Variants in SASH3 observed in about 807,000 individuals in gnomAD.
SASH3 encodes the protein SAM and SH3 domain-containing protein 3.
A neutral mutation model predicts 26.1 loss-of-function variants in SASH3; 7 were observed. The observed-to-expected ratio is 0.27, with a 90% CI of 0.15 to 0.50. SASH3 has a LOEUF of 0.50. SASH3 is among the 20% of genes least tolerant of loss of function. The pLI is 0.98. For synonymous variants in SASH3, 138 were observed against 136.8 expected, an observed-to-expected ratio of 1.01 and a Z score of -0.06; for missense variants, 231 against 318.3, an observed-to-expected ratio of 0.73 and a Z score of 2.09.
chrX:129,785,676 C>T (rs1028889642), intron 1 of SASH3, among the ~76,000 whole-genome samples: 3 of 112,342 alleles, frequency 2.7e-5, no homozygotes, highest in African/African-American at 9.7e-5. Context: ...CCAACAAAGC[C>T]GACTTCCGGC....
At chrX:129,786,061 G>C (rs1172739511) in intron 1 of SASH3, among the ~76,000 whole-genome samples, 7 of 111,549 alleles carry the variant, frequency 6.3e-5, no homozygotes, top group Non-Finnish European at 1.1e-4. Context: ...AGGTGAACCA[G>C]AGTGGTCACC....
intron 3 of SASH3, among the ~76,000 whole-genome samples, chrX:129,789,109 A>AAGAAAG (rs1556001552): frequency 5.1e-5 from 2 of 39,468 alleles, no homozygotes; most frequent in African/African-American, 2.8e-4. Context: ...CTCAAAAAAA[A>AAGAAAG]AAAGAAAGAA....
In SASH3 at chrX:129,791,066, C is replaced by T. The variant is rs771879917; in HGVS notation, c.427C>T (p.Arg143Cys). 3.5e-5 allele frequency: 42 copies of T among 1,209,026 alleles called. No individual in the cohort carries two copies. Among genetic ancestry groups the T allele is most frequent in the African/African-American group, 5.2e-5 (3 of 57,144 alleles). ...GGAGCATGAACTTCCGGTGCTCAGC[C>T]GCCAGGCATCAACAGGTGAGTAGGG... ...QEEHELPVLS[R>C]QASTGSELCS... Residue 143 changes from arginine (R) to cysteine (C), a missense_variant, in exon 4 of 8, where the codon CGC becomes TGC. Coordinates refer to ENST00000356892, the MANE Select transcript of SASH3 (RefSeq NM_018990.4).
chrX:129,788,137 G>GGC, intron 2 of SASH3, 67 bp downstream of exon 2: 1 of 354,275 alleles, frequency 2.8e-6, no homozygotes, highest in East Asian at 6.3e-5. Context: ...GGGTGGGAGG[G>GGC]AAGAGGGTGA....
chrX:129,781,653 C>T (rs1655634525), intron 1 of SASH3, among the ~76,000 whole-genome samples: 2 of 112,627 alleles, frequency 1.8e-5, no homozygotes, highest in African/African-American at 3.2e-5. Flanking sequence ...GGAAGACGTA[C>T]CTAGGGGCAC....
intron 1 of SASH3, among the ~76,000 whole-genome samples, chrX:129,781,126 G>C (rs1927008751): frequency 8.9e-6 from 1 of 112,483 alleles, no homozygotes; most frequent in Non-Finnish European, 1.9e-5. Flanking sequence ...CAGTCCCAAA[G>C]CAGGCCTGAA....
At chrX:129,788,613 G>A in intron 3 of SASH3, 36 bp downstream of exon 3, 1 of 1,185,119 alleles carries the variant, frequency 8.4e-7, no homozygotes, top group Non-Finnish European at 1.1e-6. Flanking sequence ...GGGTGTCCAG[G>A]GGGCCTGGGG....
rs1479996252 is a variant in SASH3 at position 129,791,063 on chromosome X, A to C, written c.424A>C (p.Ser142Arg). Reference protein sequence around the residue: ...EQEEHELPVLSRQASTGSELC... With the variant: ...EQEEHELPVLRRQASTGSELC... ...AGAGGAGCATGAACTTCCGGTGCTC[A>C]GCCGCCAGGCATCAACAGGTGAGTA... is the stretch of plus-strand genomic sequence containing the variant. The change falls in exon 4 of 8, where the codon AGC becomes CGC. Residue 142 changes from serine (S) to arginine (R), a missense_variant. Coordinates refer to ENST00000356892, the MANE Select transcript of SASH3 (RefSeq NM_018990.4). 1.7e-6 allele frequency: 2 copies of C among 1,210,996 alleles called. No individual in the cohort carries two copies. The highest frequency in any genetic ancestry group is 2.2e-6 in the Non-Finnish European group (2 of 895,124).
At chrX:129,793,356 C>T (rs966935828) in intron 7 of SASH3, among the ~76,000 whole-genome samples, 1 of 112,401 alleles carries the variant, frequency 8.9e-6, no homozygotes, top group African/African-American at 3.2e-5. Context: ...TCAAAGGGGA[C>T]CCTTAAGGCC....
chrX:129,788,413 C>A lies in SASH3; in HGVS notation c.154-18C>A. 1 of 1,210,877 alleles carries A rather than the reference C, an allele frequency of 8.3e-7. No individual in the cohort carries two copies. The highest frequency in any genetic ancestry group is 1.1e-6 in the Non-Finnish European group (1 of 894,885). On this transcript the variant is annotated intron_variant, in intron 2 of 7. Coordinates refer to ENST00000356892, the MANE Select transcript of SASH3 (RefSeq NM_018990.4). ...CAGGACCACCAGGGTCCCTGGATCGCCTCTTTTGTTGTCACAGATTCCAGA... is the reference window on the plus strand; with the variant it reads ...CAGGACCACCAGGGTCCCTGGATCGACTCTTTTGTTGTCACAGATTCCAGA...
intron 1 of SASH3, among the ~76,000 whole-genome samples, chrX:129,784,099 C>A (rs745828666): frequency 9.0e-6 from 1 of 110,856 alleles, no homozygotes; most frequent in Non-Finnish European, 1.9e-5. Context: ...TACACCCCCC[C>A]CTTCCCCCAG....
Position 129,788,478 on chromosome X carries a change from G to T in SASH3, c.201G>T (p.Lys67Asn). The T allele has an allele frequency of 8.3e-7, 1 of 1,211,640 alleles. No homozygotes were observed. Among genetic ancestry groups the T allele is most frequent in the Non-Finnish European group, 1.1e-6 (1 of 895,191 alleles). ...SGVPTPEDAG[K>N]SGKKLGKKWR... Reference sequence around the variant, plus strand: ...TCCCCACCCCAGAAGATGCTGGGAAGAGTGGCAAAAAGCTGGGGAAGAAGT... The same window carrying T: ...TCCCCACCCCAGAAGATGCTGGGAATAGTGGCAAAAAGCTGGGGAAGAAGT... Residue 67 changes from lysine to asparagine, a missense_variant, in exon 3 of 8, where the codon AAG (lysine) becomes AAT (asparagine). Transcript: ENST00000356892.
At position 129,792,746 on chromosome X, in the gene SASH3, G is replaced by A; in HGVS notation, c.711G>A (p.Val237=). 2 of 1,210,208 alleles carry A rather than the reference G, an allele frequency of 1.7e-6. No homozygotes were observed. Among genetic ancestry groups the A allele is most frequent in the Non-Finnish European group, 2.2e-6 (2 of 895,314 alleles). ...TGGATGTGCTGCCCGAGGAGGCCGT[G>A]GGGCATGCCCGCCCCAGCCGCCGAC... The part of the protein sequence containing the change: ...IYVDVLPEEA[V]GHARPSRRQS... The change falls in exon 6 of 8, where the codon GTG becomes GTA. Residue 237 remains valine (V), a synonymous_variant. Transcript: ENST00000356892.
At chrX:129,781,942 C>G (rs1260129921) in intron 1 of SASH3, among the ~76,000 whole-genome samples, 1 of 112,670 alleles carries the variant, frequency 8.9e-6, no homozygotes, top group Non-Finnish European at 1.9e-5. Context: ...CTTCCCCAGG[C>G]CCAGAGGCAG....
In SASH3 at chrX:129,791,038, A is replaced by T; in HGVS notation, c.399A>T (p.Gln133His). The change falls in exon 4 of 8, where the codon CAA becomes CAT. Residue 133 changes from glutamine (Q) to histidine (H), a missense_variant. Coordinates refer to ENST00000356892, the MANE Select transcript of SASH3 (RefSeq NM_018990.4). ...PEKMALAFSE[Q>H]EEHELPVLSR... ...AGATGGCGCTGGCCTTTTCTGAGCAAGAGGAGCATGAACTTCCGGTGCTCA... is the reference window on the plus strand; with the variant it reads ...AGATGGCGCTGGCCTTTTCTGAGCATGAGGAGCATGAACTTCCGGTGCTCA... The T allele has an allele frequency of 8.3e-7, 1 of 1,211,671 alleles. No homozygotes were observed. Among genetic ancestry groups the T allele is most frequent in the South Asian group, 1.8e-5 (1 of 56,944 alleles).
At chrX:129,785,813 C>T (rs1036972523) in intron 1 of SASH3, among the ~76,000 whole-genome samples, 15 of 112,086 alleles carry the variant, frequency 1.3e-4, no homozygotes, top group Non-Finnish European at 2.4e-4. Flanking sequence ...TAGGCCCCAT[C>T]GGCCTATAAA....
Position 129,793,948 on chromosome X carries a change from C to T in SASH3, c.*116C>T, listed in dbSNP as rs902587640. 5 of 723,993 alleles carry T rather than the reference C, an allele frequency of 6.9e-6. No homozygotes were observed. The highest frequency in any genetic ancestry group is 1.0e-5 in the Non-Finnish European group (5 of 500,003). 59.7% of individuals were successfully genotyped at this position (723,993 alleles called of 1,213,427 possible). A position where few individuals can be genotyped will look rare whatever the true frequency, so the allele number is the denominator to read the frequency against. On this transcript the variant is annotated 3_prime_UTR_variant, in exon 8 of 8. Coordinates refer to ENST00000356892, the MANE Select transcript of SASH3 (RefSeq NM_018990.4). ...CTGGCACTGAGCCTGGCCCTGCTTC[C>T]CCAGGGACACTTAGGGCCACAGAGG... is the stretch of plus-strand genomic sequence containing the variant.
chrX:129,789,341 A>G (rs1012053640), intron 3 of SASH3, among the ~76,000 whole-genome samples: 3 of 109,663 alleles, frequency 2.7e-5, no homozygotes, highest in African/African-American at 1.0e-4. Context: ...AATCCCTATG[A>G]GAGAAAACAG....
chrX:129,792,473 G>A lies in SASH3; in HGVS notation c.588G>A (p.Leu196=), dbSNP rs764855546. Residue 196 remains leucine (L), a synonymous_variant, in exon 5 of 8, where the codon CTG becomes CTA. Transcript: ENST00000356892. ...PSPYDHDSLK[L]QKGDVIQIIE... ...CCTATGACCACGACTCGCTGAAACT[G>A]CAGGTAAGATCAGCATCCGGGCTTC... 6.6e-6 allele frequency: 8 copies of A among 1,212,014 alleles called. No homozygotes were observed. The highest frequency in any genetic ancestry group is 4.3e-5 in the Admixed American group (2 of 46,077).
Sources: gnomAD v4.1 joint callset for allele counts (sites outside exome capture counted in the v4.1 genomes callset) on GRCh38, gnomAD v4.1.1 for gene constraint, MANE v1.5 for transcripts, NCBI Gene and HGNC (gene_info 2026-07-23, HGNC 2026-07-21) for gene names.